Variants in PLPPR5 observed in about 807,000 individuals in gnomAD.
The protein encoded by PLPPR5 is phospholipid phosphatase-related protein type 5.
PLPPR5 carries 16 observed loss-of-function variants against 33.9 expected under a neutral mutation model. The ratio of observed to expected loss-of-function variants is 0.47; its 90% confidence interval spans 0.32 to 0.72. The LOEUF (loss-of-function observed/expected upper bound fraction) is 0.72, where lower values mean the gene tolerates loss of function less well. Among genes scored for constraint, PLPPR5 ranks in the 30% least tolerant of loss-of-function variants. PLPPR5 has a pLI of 0.03. For missense variants in PLPPR5, 301 were observed against 406.7 expected (o/e 0.74, Z 2.23); for synonymous variants, 163 against 150.3 (o/e 1.08, Z -0.62).
chr1:98,951,984 C>T (rs144248234), intron 3 of PLPPR5, among the ~76,000 whole-genome samples: 10 of 152,250 alleles, frequency 6.6e-5, no homozygotes, highest in East Asian at 1.9e-4. Flanking sequence ...CTGATCTGGC[C>T]GGGTGCAGCA....
Position 98,934,116 on chromosome 1 carries a change from A to G in PLPPR5, c.622-12058T>C, listed in dbSNP as rs369784739. ...AACCAGAAGGCAGAGAAGTTTAGCT[A>G]TGCTTCTGGGATAAATGTCCATGGG... On this transcript the variant is annotated intron_variant, in intron 3 of 5. Transcript: ENST00000263177. Among the ~76,000 whole-genome samples, 28 of 152,308 alleles carry G rather than the reference A, an allele frequency of 1.8e-4. No individual in the cohort carries two copies. In the Middle Eastern group the frequency reaches 0.01, roughly 56 times the overall value.
At chr1:98,988,990 T>G (rs1652356682) in intron 1 of PLPPR5, among the ~76,000 whole-genome samples, 1 of 152,126 alleles carries the variant, frequency 6.6e-6, no homozygotes, top group Non-Finnish European at 1.5e-5. Context: ...GTGATCCCTT[T>G]TATAGAGTAA....
chr1:98,998,670 G>C (rs989398374), intron 1 of PLPPR5, among the ~76,000 whole-genome samples: 6 of 152,098 alleles, frequency 3.9e-5, no homozygotes, highest in African/African-American at 1.4e-4. Context: ...AAAATGAAAT[G>C]CACAGCCTTT....
upstream of PLPPR5, among the ~76,000 whole-genome samples, chr1:99,005,519 A>G (rs142778316): frequency 3.4e-4 from 52 of 152,276 alleles, no homozygotes; most frequent in African/African-American, 1.0e-3. Flanking sequence ...ATAGCCCAGT[A>G]GCTCCCGAAG....
intron 1 of PLPPR5, among the ~76,000 whole-genome samples, chr1:98,966,785 C>G (rs67225021): frequency 0.19 from 28,371 of 152,126 alleles, 2,709 homozygotes; most frequent in East Asian, 0.26. Flanking sequence ...TGCCATCCCA[C>G]CCACTGGGTG....
In PLPPR5 at chr1:98,940,040, AG is replaced by A. The variant is rs560647715; in HGVS notation, c.621+13029del. 7.9e-5 allele frequency among the ~76,000 whole-genome samples: 12 copies of A among 152,008 alleles called. 1 individual carries two copies. Among genetic ancestry groups the A allele is most frequent in the Admixed American group, 5.3e-4 (8 of 15,238 alleles). On this transcript the variant is annotated intron_variant, in intron 3 of 5. Transcript: ENST00000263177. Reference sequence around the variant, plus strand: ...AGTCTAGTGTAAACGAGTGGAATAGAGTGATCAAATGTAGTCTAATATGGAC... The same window carrying A: ...AGTCTAGTGTAAACGAGTGGAATAGATGATCAAATGTAGTCTAATATGGAC...
chr1:98,931,849 C>A (rs1649990250), intron 3 of PLPPR5, among the ~76,000 whole-genome samples: 3 of 152,172 alleles, frequency 2.0e-5, no homozygotes. Flanking sequence ...CAGGAGTACA[C>A]TTGAATTTTA....
chr1:98,997,486 A>G (rs1308094773), intron 1 of PLPPR5, among the ~76,000 whole-genome samples: 1 of 152,184 alleles, frequency 6.6e-6, no homozygotes, highest in Admixed American at 6.5e-5. Context: ...TAGAAACATT[A>G]TTTATTTCAA....
intron 1 of PLPPR5, among the ~76,000 whole-genome samples, chr1:98,976,102 A>AG (rs1184090055): frequency 6.6e-6 from 1 of 151,088 alleles, no homozygotes; most frequent in Non-Finnish European, 1.5e-5. Flanking sequence ...TAAAAAAAAA[A>AG]AAAAAAAAAA....
chr1:99,002,433 G>T (rs1178691923), intron 1 of PLPPR5, among the ~76,000 whole-genome samples: 1 of 152,060 alleles, frequency 6.6e-6, no homozygotes, highest in Non-Finnish European at 1.5e-5. Context: ...TCAGGCATCC[G>T]TCCTATAGGC....
chr1:98,912,089 C>CT (rs1553166594), intron 5 of PLPPR5, among the ~76,000 whole-genome samples: 1 of 152,130 alleles, frequency 6.6e-6, no homozygotes, highest in Non-Finnish European at 1.5e-5. Context: ...TATTTTTAAA[C>CT]TTTATTTAGT....
At chr1:98,925,286 A>G (rs573824640) in intron 3 of PLPPR5, among the ~76,000 whole-genome samples, 1 of 152,264 alleles carries the variant, frequency 6.6e-6, no homozygotes, top group African/African-American at 2.4e-5. Flanking sequence ...AGGGTGTGTG[A>G]TTTGAGCAGG....
intron 1 of PLPPR5, among the ~76,000 whole-genome samples, chr1:99,000,163 A>G (rs1022587501): frequency 6.6e-6 from 1 of 152,216 alleles, no homozygotes; most frequent in South Asian, 2.1e-4. Flanking sequence ...TGCTATACAG[A>G]ACAAACTGAA....
At chr1:98,895,748 G>A (rs909883244) in intron 5 of PLPPR5, among the ~76,000 whole-genome samples, 2 of 151,910 alleles carry the variant, frequency 1.3e-5, no homozygotes, top group South Asian at 2.1e-4. Flanking sequence ...AACTTCTGAG[G>A]TGCTTTCATT....
chr1:98,996,506 C>A (rs945953642), intron 1 of PLPPR5, among the ~76,000 whole-genome samples: 3 of 152,102 alleles, frequency 2.0e-5, no homozygotes, highest in Non-Finnish European at 4.4e-5. Context: ...TGAAAACTGG[C>A]ATTCTCACAA....
At chr1:98,984,433 G>A (rs12087953) in intron 1 of PLPPR5, among the ~76,000 whole-genome samples, 31 of 151,976 alleles carry the variant, frequency 2.0e-4, no homozygotes, top group African/African-American at 6.5e-4. Flanking sequence ...AGCTTCAAAC[G>A]CTTACAAAAA....
chr1:98,975,040 G>A (rs1651796923), intron 1 of PLPPR5, among the ~76,000 whole-genome samples: 1 of 151,988 alleles, frequency 6.6e-6, no homozygotes, highest in South Asian at 2.1e-4. Flanking sequence ...CCACCTACGA[G>A]GACATGTCAC....
intron 5 of PLPPR5, among the ~76,000 whole-genome samples, chr1:98,906,372 A>T (rs1164771464): frequency 1.3e-5 from 2 of 151,598 alleles, no homozygotes; most frequent in African/African-American, 4.9e-5. Flanking sequence ...CTCATACTAC[A>T]TGTTGTTGGC....
intron 1 of PLPPR5, among the ~76,000 whole-genome samples, chr1:98,967,837 T>C (rs1021776607): frequency 2.0e-5 from 3 of 152,142 alleles, no homozygotes; most frequent in Non-Finnish European, 4.4e-5. Flanking sequence ...CTAAGTCGTA[T>C]CTGCGATGGA....
Sources: allele counts gnomAD v4.1 joint callset (sites outside exome capture counted in the v4.1 genomes callset), GRCh38; gene constraint gnomAD v4.1.1; transcripts MANE v1.5; gene names NCBI Gene and HGNC (gene_info 2026-07-23, HGNC 2026-07-21).